ARHGAP10: variants seen among roughly 807,000 people sequenced by gnomAD.
ARHGAP10 encodes the protein rho GTPase-activating protein 10.
A neutral mutation model predicts 108.6 loss-of-function variants in ARHGAP10; 87 were observed. The ratio of observed to expected loss-of-function variants is 0.80; its 90% confidence interval spans 0.67 to 0.96. The LOEUF (loss-of-function observed/expected upper bound fraction) is 0.96, where lower values mean the gene tolerates loss of function less well. Among genes scored for constraint, ARHGAP10 ranks in the 40% least tolerant of loss-of-function variants. The probability of loss-of-function intolerance (pLI) is 0.00; values close to 1 mark genes in which losing one functional copy is unlikely to be tolerated. For synonymous variants in ARHGAP10, 347 were observed against 341.1 expected (o/e 1.02, Z -0.19); for missense variants, 939 against 954.5 (o/e 0.98, Z 0.21).
At chr4:147,794,204 T>G (rs907695478) in intron 1 of ARHGAP10, among the ~76,000 whole-genome samples, 19 of 152,338 alleles carry the variant, frequency 1.2e-4, no homozygotes, top group African/African-American at 4.6e-4. Context: ...TGTGAGTGAT[T>G]CATTTCACTT....
At chr4:148,042,913 C>T (rs1728695896) in intron 19 of ARHGAP10, among the ~76,000 whole-genome samples, 2 of 151,924 alleles carry the variant, frequency 1.3e-5, no homozygotes, top group South Asian at 4.2e-4. Flanking sequence ...GATTTTTTTT[C>T]CCTCCTCAAT....
intron 1 of ARHGAP10, among the ~76,000 whole-genome samples, chr4:147,771,228 G>C (rs1730065297): frequency 6.6e-6 from 1 of 152,106 alleles, no homozygotes; most frequent in Non-Finnish European, 1.5e-5. Context: ...TCACATTCTG[G>C]GGGGTAAGGA....
intron 19 of ARHGAP10, among the ~76,000 whole-genome samples, chr4:148,044,669 A>T (rs1728796184): frequency 6.6e-6 from 1 of 152,176 alleles, no homozygotes; most frequent in South Asian, 2.1e-4. Flanking sequence ...TGAATGAAAG[A>T]CACAGGGAGG....
At chr4:147,805,883 A>G (rs1042485146) in intron 1 of ARHGAP10, among the ~76,000 whole-genome samples, 44 of 152,226 alleles carry the variant, frequency 2.9e-4, no homozygotes, top group Admixed American at 2.3e-3. Context: ...TAACACGCCT[A>G]TGAAACTTTA....
At chr4:147,819,339 A>G (rs1732388263) in intron 1 of ARHGAP10, among the ~76,000 whole-genome samples, 1 of 152,122 alleles carries the variant, frequency 6.6e-6, no homozygotes, top group Non-Finnish European at 1.5e-5. Flanking sequence ...ATATAAACAA[A>G]CATGTTCGTA....
intron 18 of ARHGAP10, among the ~76,000 whole-genome samples, chr4:148,010,183 A>AATGGT (rs2149653327): frequency 6.6e-6 from 1 of 152,256 alleles, no homozygotes; most frequent in East Asian, 1.9e-4. Flanking sequence ...ATAGTGATTA[A>AATGGT]ATGGTATACC....
At chr4:148,002,834 A>G (rs896709126) in intron 18 of ARHGAP10, among the ~76,000 whole-genome samples, 5 of 152,090 alleles carry the variant, frequency 3.3e-5, no homozygotes, top group East Asian at 1.9e-4. Flanking sequence ...CTAGTGGTCT[A>G]TCAATTTTGT....
At position 147,946,509 on chromosome 4, in the gene ARHGAP10, G is replaced by A. The variant is rs1738384943; in HGVS notation, c.1304-108G>A. The A allele has an allele frequency of 5.3e-6, 4 of 759,018 alleles. No individual in the cohort carries two copies. In the Admixed American group the frequency reaches 1.1e-4, roughly 21 times the overall value. The allele number at this position is 759,018 out of a possible 1,614,324, so 47.0% of individuals were successfully genotyped here. On this transcript the variant is annotated intron_variant, in intron 14 of 22. Transcript: ENST00000336498. ...ATATATAATGTTTTCCTAGGAAACT[G>A]CAGGATTGTGGTTTGCCCATTTAAA...
intron 8 of ARHGAP10, among the ~76,000 whole-genome samples, chr4:147,878,929 A>T (rs1403552591): frequency 6.6e-6 from 1 of 152,052 alleles, no homozygotes. Flanking sequence ...GGCGCCTGCC[A>T]CTATGCCTGG....
At chr4:148,040,373 G>A (rs1254929595) in intron 19 of ARHGAP10, among the ~76,000 whole-genome samples, 1 of 152,098 alleles carries the variant, frequency 6.6e-6, no homozygotes, top group Non-Finnish European at 1.5e-5. Flanking sequence ...ACAGGGTCTT[G>A]CTCTGTTGCC....
intron 19 of ARHGAP10, among the ~76,000 whole-genome samples, chr4:148,045,678 C>T (rs934997132): frequency 1.6e-5 from 2 of 124,466 alleles, no homozygotes; most frequent in South Asian, 2.8e-4. Context: ...GCGGAGCTTG[C>T]GGTGAGCCGA....
chr4:148,020,389 C>T (rs1413843031), intron 18 of ARHGAP10, among the ~76,000 whole-genome samples: 1 of 152,094 alleles, frequency 6.6e-6, no homozygotes, highest in African/African-American at 2.4e-5. Flanking sequence ...CACGTATCAA[C>T]CCATCACCTA....
intron 7 of ARHGAP10, among the ~76,000 whole-genome samples, chr4:147,867,637 G>A (rs1001449199): frequency 1.3e-5 from 2 of 151,980 alleles, no homozygotes; most frequent in African/African-American, 4.8e-5. Flanking sequence ...AGGCCTAGGC[G>A]GGCAGATCGC....
intron 7 of ARHGAP10, among the ~76,000 whole-genome samples, chr4:147,874,583 TATTTACAGACTGCTA>T (rs1734985931): frequency 6.6e-6 from 1 of 152,244 alleles, no homozygotes; most frequent in African/African-American, 2.4e-5. Flanking sequence ...AGATTCTGAG[TATTTACAGACTGCTA>T]ATGTAACAGT....
intron 5 of ARHGAP10, chr4:147,862,746 A>G (rs1043046878): frequency 3.9e-5 from 6 of 152,260 alleles, no homozygotes; most frequent in Non-Finnish European, 5.9e-5. Context: ...ACTAAAAGAT[A>G]AAATCAAATT....
At chr4:148,062,608 A>G (rs1476204032) in intron 20 of ARHGAP10, among the ~76,000 whole-genome samples, 1 of 152,146 alleles carries the variant, frequency 6.6e-6, no homozygotes, top group Non-Finnish European at 1.5e-5. Context: ...ATATTAAGAA[A>G]TGCTCTGGTC....
At chr4:148,051,853 T>G (rs916650259) in intron 20 of ARHGAP10, among the ~76,000 whole-genome samples, 9 of 152,230 alleles carry the variant, frequency 5.9e-5, no homozygotes, top group Non-Finnish European at 1.0e-4. Flanking sequence ...ATATACTTTG[T>G]GTGCACTCAC....
chr4:147,783,667 G>A (rs77637354), intron 1 of ARHGAP10, among the ~76,000 whole-genome samples: 2 of 128,604 alleles, frequency 1.6e-5, no homozygotes, highest in African/African-American at 3.7e-5. Context: ...ACATTAAATT[G>A]TGTATTGTAT....
intron 4 of ARHGAP10, among the ~76,000 whole-genome samples, chr4:147,847,440 C>T (rs1412135381): frequency 6.6e-6 from 1 of 152,230 alleles, no homozygotes; most frequent in Non-Finnish European, 1.5e-5. Context: ...TCTTGGGCTA[C>T]ACCTTTCCAT....
Sources: gnomAD v4.1 joint callset for allele counts (sites outside exome capture counted in the v4.1 genomes callset) on GRCh38, gnomAD v4.1.1 for gene constraint, MANE v1.5 for transcripts, NCBI Gene and HGNC (gene_info 2026-07-23, HGNC 2026-07-21) for gene names.